MX1: variants seen among roughly 807,000 people sequenced by gnomAD.
The protein encoded by MX1 is interferon-induced GTP-binding protein Mx1.
In MX1, 66 loss-of-function variants were observed where a neutral mutation model predicts 66.4. The observed-to-expected ratio is 0.99, with a 90% CI of 0.82 to 1.22. The LOEUF is 1.22. Among genes scored for constraint, MX1 ranks in the 50% most tolerant of loss-of-function variants. The pLI is 0.00. For missense variants in MX1, 787 were observed against 834.3 expected, an observed-to-expected ratio of 0.94 and a Z score of 0.70; for synonymous variants, 311 against 318.1, an observed-to-expected ratio of 0.98 and a Z score of 0.24.
chr21:41,445,330 A>G (rs2090630636), intron 11 of MX1, 118 bp from the exon 12 acceptor site: 4 of 1,252,340 alleles, frequency 3.2e-6, no homozygotes, highest in Admixed American at 2.1e-5. Flanking sequence ...TTCCTTTTAG[A>G]GGAAGCCAGG....
In MX1 at chr21:41,441,595, A is replaced by G. The variant is rs562047033; in HGVS notation, c.731-121A>G. On this transcript the variant is annotated intron_variant, in intron 9 of 16. Coordinates refer to ENST00000398598, the MANE Select transcript of MX1 (RefSeq NM_002462.5). The surrounding 1 kb of genome is among the most constrained non-coding windows in gnomAD (Gnocchi z 4.0). ...CTGCCCCCATGGTTCTGCAGGGGCT[A>G]TGGCCTGTCCTCAAGCAAGGATGGG... 237 of 1,005,214 alleles carry G rather than the reference A, an allele frequency of 2.4e-4. No individual in the cohort carries two copies. The African/African-American group carries it at 3.4e-3, about 14-fold the overall frequency. The allele number at this position is 1,005,214 out of a possible 1,614,324, so 62.3% of individuals were successfully genotyped here. A position where few individuals can be genotyped will look rare whatever the true frequency, so the allele number is the denominator to read the frequency against.
chr21:41,424,406 TG>T (rs1427520505), upstream of MX1, among the ~76,000 whole-genome samples: 1 of 152,206 alleles, frequency 6.6e-6, no homozygotes, highest in Non-Finnish European at 1.5e-5. Flanking sequence ...GGGAGCTGGC[TG>T]GGGGGCTCCT....
intron 5 of MX1, among the ~76,000 whole-genome samples, chr21:41,433,505 C>G (rs2090279471): frequency 6.6e-6 from 1 of 152,172 alleles, no homozygotes; most frequent in African/African-American, 2.4e-5. Context: ...TTCCAGGTAT[C>G]AAAATGGCTG....
chr21:41,456,018 G>A lies in MX1; in HGVS notation c.1759-2510G>A, dbSNP rs187605820. ...GCACTCTGGAAGGCTGAGGTGGGTG[G>A]ATCTCTTGAGGCCAGGAGTTTGAGA... On this transcript the variant is annotated intron_variant, in intron 16 of 16. Transcript: ENST00000398598. Among the ~76,000 whole-genome samples, 375 of 152,276 alleles carry A rather than the reference G, an allele frequency of 2.5e-3. 1 individual carries two copies. Among genetic ancestry groups the A allele is most frequent in the Non-Finnish European group, 4.5e-3 (304 of 68,016 alleles).
rs111673956 is a variant in MX1 at position 41,436,705 on chromosome 21, G to A, written c.299-310G>A. Among the ~76,000 whole-genome samples, 239 of 152,240 alleles carry A rather than the reference G, an allele frequency of 1.6e-3. 2 individuals are homozygous for A. Among genetic ancestry groups the A allele is most frequent in the African/African-American group, 5.3e-3 (222 of 41,536 alleles). On this transcript the variant is annotated intron_variant, in intron 6 of 16. Coordinates refer to ENST00000398598, the MANE Select transcript of MX1 (RefSeq NM_002462.5). ...AATGGAAGATGTTCGGATGAGTTTC[G>A]GGGGATTCCCAATGTGGTCTGCCAC... is the stretch of plus-strand genomic sequence containing the variant.
chr21:41,432,161 A>G lies in MX1; in HGVS notation c.91A>G (p.Lys31Glu), dbSNP rs368699729. 24 of 1,613,954 alleles carry G rather than the reference A, an allele frequency of 1.5e-5. No individual in the cohort carries two copies. In the African/African-American group the frequency reaches 3.1e-4, roughly 21 times the overall value. ...LLNGDATVAQ[K>E]NPGSVAENNL... ...GAATGGAGATGCTACTGTGGCCCAG[A>G]AAAATCCAGGCTCGGTAAGTTGCTC... The change falls in exon 5 of 17, where the codon AAA (lysine) becomes GAA (glutamate). Residue 31 changes from lysine (K) to glutamate (E), a missense_variant. Transcript: ENST00000398598.
At chr21:41,451,137 A>T in intron 14 of MX1, 30 bp from the exon 15 acceptor site, 2 of 1,444,892 alleles carry the variant, frequency 1.4e-6, no homozygotes, top group Non-Finnish European at 1.9e-6. Flanking sequence ...GATCCTACCA[A>T]TATTGAACTA....
intron 16 of MX1, among the ~76,000 whole-genome samples, chr21:41,458,066 C>T (rs906482271): frequency 2.0e-5 from 3 of 152,114 alleles, no homozygotes; most frequent in South Asian, 2.1e-4. Context: ...TACAATGGCG[C>T]GATCCCAGCT....
chr21:41,435,959 C>T lies in MX1; in HGVS notation c.228C>T (p.Ile76=), dbSNP rs375957311. The change falls in exon 6 of 17, where the codon ATC becomes ATT. Residue 76 remains isoleucine, a synonymous_variant. Transcript: ENST00000398598. ...TGGCCCTGCCAGCCATCGCCGTCAT[C>T]GGGGACCAGAGCTCGGGCAAGAGCT... ...QDLALPAIAV[I]GDQSSGKSSV... 1.9e-5 allele frequency: 30 copies of T among 1,614,110 alleles called. No individual in the cohort carries two copies. Among genetic ancestry groups the T allele is most frequent in the Middle Eastern group, 1.6e-4 (1 of 6,084 alleles).
intron 16 of MX1, among the ~76,000 whole-genome samples, chr21:41,453,950 G>A (rs1191103693): frequency 6.6e-6 from 1 of 152,178 alleles, no homozygotes; most frequent in Non-Finnish European, 1.5e-5. Context: ...AAGACTCTGG[G>A]TAGCAGCCTT....
At chr21:41,444,249 G>T (rs1429233464) in intron 11 of MX1, among the ~76,000 whole-genome samples, 1 of 148,354 alleles carries the variant, frequency 6.7e-6, no homozygotes, top group African/African-American at 2.5e-5. Context: ...GCTCTCTGTG[G>T]TTCTTTTTAA....
chr21:41,452,667 A>G lies in MX1; in HGVS notation c.1556A>G (p.Lys519Arg), dbSNP rs1468326587. The G allele has an allele frequency of 6.2e-7, 1 of 1,614,058 alleles. No individual in the cohort carries two copies. Among genetic ancestry groups the G allele is most frequent in the African/African-American group, 1.3e-5 (1 of 74,934 alleles). Reference sequence around the variant, plus strand: ...GCAGAACAAGAGAGAGAAGGTGAGAAGCTGATCCGCCTCCACTTCCAGATG... The same window carrying G: ...GCAGAACAAGAGAGAGAAGGTGAGAGGCTGATCCGCCTCCACTTCCAGATG... Reference protein sequence around the residue: ...IRAEQEREGEKLIRLHFQMEQ... With the variant: ...IRAEQEREGERLIRLHFQMEQ... Residue 519 changes from lysine (K) to arginine (R), a missense_variant, in exon 16 of 17, where the codon AAG becomes AGG. Coordinates refer to ENST00000398598, the MANE Select transcript of MX1 (RefSeq NM_002462.5).
intron 14 of MX1, 27 bp from the exon 15 acceptor site, chr21:41,451,140 T>G: frequency 6.7e-7 from 1 of 1,485,602 alleles, no homozygotes; most frequent in Non-Finnish European, 9.4e-7. Context: ...CCTACCAATA[T>G]TGAACTATTT....
chr21:41,437,664 G>A (rs1373730584), intron 7 of MX1, among the ~76,000 whole-genome samples: 2 of 152,140 alleles, frequency 1.3e-5, no homozygotes, highest in African/African-American at 2.4e-5. Flanking sequence ...TGCTTATTAT[G>A]TAAGTATCTA....
chr21:41,443,634 A>G lies in MX1; in HGVS notation c.930-154A>G, dbSNP rs2090577888. 15 of 700,816 alleles carry G rather than the reference A, an allele frequency of 2.1e-5. No individual in the cohort carries two copies. In the South Asian group the frequency reaches 2.3e-4, roughly 11 times the overall value. 43.4% of individuals were successfully genotyped at this position (700,816 alleles called of 1,614,324 possible). A position where few individuals can be genotyped will look rare whatever the true frequency, so the allele number is the denominator to read the frequency against. ...TAAAATTCAGTCATAATCCTATTCA[A>G]TCCAGTTCTGAGTATTTGTTGGGTA... On this transcript the variant is annotated intron_variant, in intron 10 of 16. Transcript: ENST00000398598.
intron 8 of MX1, 58 bp downstream of exon 8, chr21:41,439,906 GGT>G: frequency 6.8e-7 from 1 of 1,478,656 alleles, no homozygotes; most frequent in Admixed American, 1.7e-5. Flanking sequence ...GGAGTGGAGG[GGT>G]GGGAGGAGAA....
chr21:41,436,918 CAT>C (rs2090378955), intron 6 of MX1, 95 bp from the exon 7 acceptor site: 3 of 1,443,544 alleles, frequency 2.1e-6, no homozygotes, highest in Non-Finnish European at 1.9e-6. Context: ...AATGTCTCCC[CAT>C]ATGATTGTAT....
intron 15 of MX1, among the ~76,000 whole-genome samples, 156 bp downstream of exon 15, chr21:41,451,399 G>A (rs1024603886): frequency 2.6e-5 from 4 of 152,154 alleles, no homozygotes; most frequent in East Asian, 1.9e-4. Context: ...TGATGTTACC[G>A]GTGATGTCTG....
chr21:41,448,433 C>A (rs1407317792), intron 13 of MX1, among the ~76,000 whole-genome samples: 1 of 152,112 alleles, frequency 6.6e-6, no homozygotes, highest in South Asian at 2.1e-4. Flanking sequence ...CAGTTGAGGG[C>A]AAGGAGTGTA....
Sources: gnomAD v4.1 joint callset for allele counts (sites outside exome capture counted in the v4.1 genomes callset) on GRCh38, gnomAD v4.1.1 for gene constraint, Gnocchi (gnomAD v3.1) non-coding constraint, MANE v1.5 for transcripts, NCBI Gene and HGNC (gene_info 2026-07-23, HGNC 2026-07-21) for gene names.